ENPP1: variants seen among roughly 807,000 people sequenced by gnomAD.
The protein encoded by ENPP1 is ectonucleotide pyrophosphatase/phosphodiesterase family member 1.
A neutral mutation model predicts 122.8 loss-of-function variants in ENPP1; 73 were observed. That is an observed-to-expected ratio of 0.59 (90% CI 0.49 to 0.72). ENPP1 has a LOEUF of 0.72. Among genes scored for constraint, ENPP1 ranks in the 30% least tolerant of loss-of-function variants. The pLI, the probability that ENPP1 is intolerant of heterozygous loss-of-function variation, is 0.00. For missense variants in ENPP1, 978 were observed against 1,128.1 expected (o/e 0.87, Z 1.91); for synonymous variants, 367 against 391.6 (o/e 0.94, Z 0.74).
At chr6:131,864,709 C>G in intron 10 of ENPP1, 138 bp downstream of exon 10, 1 of 810,792 alleles carries the variant, frequency 1.2e-6, no homozygotes, top group African/African-American at 1.7e-5. Flanking sequence ...AATGATCATA[C>G]CACATTTTGA....
At chr6:131,827,844 C>A in intron 1 of ENPP1, 1 of 1,382,396 alleles carries the variant, frequency 7.2e-7, no homozygotes, top group Non-Finnish European at 1.0e-6. Flanking sequence ...ACCCTGAGGA[C>A]GAAAGCAAAA....
chr6:131,885,963 C>G (rs1782372459), intron 23 of ENPP1, among the ~76,000 whole-genome samples: 1 of 152,098 alleles, frequency 6.6e-6, no homozygotes, highest in Admixed American at 6.5e-5. Context: ...AACAATGATT[C>G]CACTGCCTTA....
rs779542874 is a variant in ENPP1, at chr6:131,890,374, T to C, written c.2641T>C (p.Leu881=). 3 of 1,614,056 alleles carry C rather than the reference T, an allele frequency of 1.9e-6. No individual in the cohort carries two copies. In the South Asian group the frequency reaches 3.3e-5, roughly 18 times the overall value. The part of the protein sequence containing the change: ...GKHDSSWVEE[L]LMLHRARITD... Reference sequence around the variant, plus strand: ...GCATGACTCCTCATGGGTTGAAGAATTGTTAATGTTACACAGAGCACGGAT... The same window carrying C: ...GCATGACTCCTCATGGGTTGAAGAACTGTTAATGTTACACAGAGCACGGAT... Residue 881 remains leucine, a synonymous_variant, in exon 25 of 25, where the codon TTG becomes CTG. Transcript: ENST00000647893.
chr6:131,861,941 G>A (rs982113431), intron 9 of ENPP1, among the ~76,000 whole-genome samples: 4 of 151,974 alleles, frequency 2.6e-5, no homozygotes, highest in Non-Finnish European at 2.9e-5. Flanking sequence ...AGGCTGAGGC[G>A]AGGGGTCACC....
At chr6:131,858,627 C>A in intron 6 of ENPP1, 41 bp from the exon 7 acceptor site, 1 of 1,315,968 alleles carries the variant, frequency 7.6e-7, no homozygotes, top group South Asian at 1.2e-5. Context: ...AGCCAATTGT[C>A]AGATGTATTT....
At chr6:131,884,170 A>G (rs1782347773) in intron 22 of ENPP1, among the ~76,000 whole-genome samples, 1 of 152,218 alleles carries the variant, frequency 6.6e-6, no homozygotes, top group Non-Finnish European at 1.5e-5. Context: ...TTTTACAGGA[A>G]TAAAAATTTA....
intron 23 of ENPP1, among the ~76,000 whole-genome samples, chr6:131,886,152 A>G (rs1382249688): frequency 6.6e-6 from 1 of 152,254 alleles, no homozygotes; most frequent in Non-Finnish European, 1.5e-5. Flanking sequence ...AGGGGCTGGA[A>G]TAGAAAATTC....
At chr6:131,823,471 G>A (rs1390346102) in intron 1 of ENPP1, among the ~76,000 whole-genome samples, 1 of 152,144 alleles carries the variant, frequency 6.6e-6, no homozygotes, top group Non-Finnish European at 1.5e-5. Context: ...GACTGAAGAT[G>A]CATATCTCTC....
chr6:131,886,069 G>A (rs1782373472), intron 23 of ENPP1, among the ~76,000 whole-genome samples: 1 of 152,136 alleles, frequency 6.6e-6, no homozygotes. Context: ...ATATACTTCA[G>A]TTTAAAAAAT....
At chr6:131,880,345 C>T (rs567280724) in intron 20 of ENPP1, among the ~76,000 whole-genome samples, 20 of 152,166 alleles carry the variant, frequency 1.3e-4, no homozygotes, top group Middle Eastern at 3.4e-3. Context: ...GGGCAGATCA[C>T]GAGGTCAGGA....
chr6:131,817,493 A>G (rs1412492386), intron 1 of ENPP1, among the ~76,000 whole-genome samples: 1 of 152,112 alleles, frequency 6.6e-6, no homozygotes, highest in Non-Finnish European at 1.5e-5. Flanking sequence ...AAGTAGGTAT[A>G]CTTTTGGGAA....
chr6:131,844,062 T>C (rs1781774752), intron 1 of ENPP1, among the ~76,000 whole-genome samples: 1 of 152,222 alleles, frequency 6.6e-6, no homozygotes, highest in African/African-American at 2.4e-5. Context: ...TTTTATTGTA[T>C]AAGTAAAATA....
At chr6:131,815,632 G>A (rs111474915) in intron 1 of ENPP1, among the ~76,000 whole-genome samples, 1,865 of 151,898 alleles carry the variant, frequency 0.012, 53 homozygotes, top group African/African-American at 0.042. Context: ...GAGACCTTAT[G>A]TGTTCTGTAT....
At chr6:131,822,596 C>T (rs1490123038) in intron 1 of ENPP1, among the ~76,000 whole-genome samples, 2 of 150,064 alleles carry the variant, frequency 1.3e-5, no homozygotes, top group Non-Finnish European at 3.0e-5. Flanking sequence ...AAAAAAAAAA[C>T]AAAGATGAGA....
chr6:131,882,648 ATT>A lies in ENPP1; in HGVS notation c.2230+177_2230+178del, dbSNP rs10589841. Among the ~76,000 whole-genome samples the A allele has an allele frequency of 0.39, 57,096 of 145,486 alleles. 13,463 individuals are homozygous for A. The highest frequency in any genetic ancestry group is 0.62 in the African/African-American group (24,529 of 39,764). ...ATATATATAAAGTATATATATTACT[ATT>A]TTATATATATATAGCTATATATATA... On this transcript the variant is annotated intron_variant, in intron 21 of 24. Transcript: ENST00000647893.
chr6:131,816,863 A>G (rs1239632884), intron 1 of ENPP1, among the ~76,000 whole-genome samples: 1 of 152,214 alleles, frequency 6.6e-6, no homozygotes, highest in Non-Finnish European at 1.5e-5. Flanking sequence ...GGAAAGTATG[A>G]TGACAGTCAA....
chr6:131,878,177 T>C (rs1782259819), intron 18 of ENPP1, among the ~76,000 whole-genome samples: 1 of 151,896 alleles, frequency 6.6e-6, no homozygotes, highest in Admixed American at 6.6e-5. Flanking sequence ...AGAGGATTGC[T>C]TGAGACCAGG....
chr6:131,859,392 T>G (rs1762677900), intron 7 of ENPP1, among the ~76,000 whole-genome samples: 1 of 151,984 alleles, frequency 6.6e-6, no homozygotes, highest in South Asian at 2.1e-4. Flanking sequence ...ACCTTTTTTT[T>G]TTTTGTTTTT....
chr6:131,831,153 C>A (rs2064774), intron 1 of ENPP1, among the ~76,000 whole-genome samples: 12,916 of 140,316 alleles, frequency 0.092, 691 homozygotes, highest in East Asian at 0.17. Context: ...GAAAATAGAT[C>A]AAAAAATTTT....
Sources: gnomAD v4.1 joint callset for allele counts (sites outside exome capture counted in the v4.1 genomes callset) on GRCh38, gnomAD v4.1.1 for gene constraint, MANE v1.5 for transcripts, NCBI Gene and HGNC (gene_info 2026-07-23, HGNC 2026-07-21) for gene names.